The following CLIC5 variants were observed in gnomAD, a reference collection of about 807,000 sequenced individuals.
The protein encoded by CLIC5 is CLIC family member 5, also known as chloride intracellular channel protein 5.
In CLIC5, 20 loss-of-function variants were observed where a neutral mutation model predicts 24.7. That is an observed-to-expected ratio of 0.81 (90% CI 0.57 to 1.18). The LOEUF (loss-of-function observed/expected upper bound fraction) is 1.18, where lower values mean the gene tolerates loss of function less well. Ranked by LOEUF, CLIC5 falls within the 50% of genes most tolerant of loss-of-function variation. CLIC5 has a pLI of 0.00. For synonymous variants in CLIC5, 159 were observed against 135.6 expected, an observed-to-expected ratio of 1.17 and a Z score of -1.20; for missense variants, 341 against 326.1, an observed-to-expected ratio of 1.05 and a Z score of -0.35.
intron 4 of CLIC5, among the ~76,000 whole-genome samples, chr6:45,919,392 G>A (rs1254861909): frequency 2.6e-5 from 4 of 152,090 alleles, no homozygotes; most frequent in Non-Finnish European, 5.9e-5. Flanking sequence ...CTGGGTGGGG[G>A]TTACAGGTGG....
At chr6:45,982,958 G>A (rs897337363) in intron 1 of CLIC5, among the ~76,000 whole-genome samples, 1 of 152,136 alleles carries the variant, frequency 6.6e-6, no homozygotes, top group African/African-American at 2.4e-5. Context: ...AATAAGCCTT[G>A]GTAAAAGGTG....
In CLIC5 at chr6:46,015,535, T is replaced by G; in HGVS notation, c.8A>C (p.Asp3Ala). The G allele has an allele frequency of 6.3e-7, 1 of 1,577,534 alleles. No individual in the cohort carries two copies. The highest frequency in any genetic ancestry group is 8.6e-7 in the Non-Finnish European group (1 of 1,163,352). Residue 3 changes from aspartate (D) to alanine (A), a missense_variant, in exon 1 of 6, where the codon GAC becomes GCC. Asp to Ala is a moderately radical substitution (Grantham distance 126, BLOSUM62 -2). Transcript: ENST00000339561. The stretch of plus-strand genomic sequence containing the variant: ...GTCGTCCCCGTTAGCTGTCGCCGAG[T>G]CTGTCATGCCGTTGGCGCCCGGGGC... MT[D>A]SATANGDDRD...
intron 5 of CLIC5, among the ~76,000 whole-genome samples, chr6:45,904,517 C>T (rs908970550): frequency 1.3e-5 from 2 of 151,276 alleles, no homozygotes; most frequent in Non-Finnish European, 2.9e-5. Flanking sequence ...AAACAGGGCC[C>T]CCCTGTTTTC....
the CLIC5 span, among the ~76,000 whole-genome samples, chr6:46,089,668 G>A: frequency 6.6e-6 from 1 of 152,062 alleles, no homozygotes; most frequent in Non-Finnish European, 1.5e-5. Context: ...GATTACACAG[G>A]TGTGTTCAGT....
the CLIC5 span, among the ~76,000 whole-genome samples, chr6:46,120,221 C>T: frequency 3.0e-4 from 45 of 152,316 alleles, no homozygotes; most frequent in Admixed American, 9.2e-4. Context: ...CCGGGTACTC[C>T]TCTGAGATGA....
chr6:45,985,128 G>A (rs115033635), intron 1 of CLIC5, among the ~76,000 whole-genome samples: 1 of 152,282 alleles, frequency 6.6e-6, no homozygotes, highest in South Asian at 2.1e-4. Flanking sequence ...CCTGGCAAAG[G>A]GGGTAAGGAA....
chr6:46,076,755 C>A (rs1409969730), intron 1 of CLIC5, among the ~76,000 whole-genome samples: 3 of 152,148 alleles, frequency 2.0e-5, no homozygotes, highest in Non-Finnish European at 4.4e-5. Flanking sequence ...CACCCATATC[C>A]TGTTTTATAG....
intron 1 of CLIC5, among the ~76,000 whole-genome samples, chr6:45,968,697 G>T (rs895507187): frequency 1.3e-5 from 2 of 152,150 alleles, no homozygotes; most frequent in Non-Finnish European, 2.9e-5. Context: ...ATTGGAGGCG[G>T]GTGACTATAG....
intron 1 of CLIC5, among the ~76,000 whole-genome samples, chr6:45,962,172 A>G (rs1764867963): frequency 6.7e-6 from 1 of 149,820 alleles, no homozygotes; most frequent in Non-Finnish European, 1.5e-5. Context: ...ACATAATATT[A>G]TATATATGTG....
intron 3 of CLIC5, among the ~76,000 whole-genome samples, chr6:45,944,549 CAA>C (rs773971605): frequency 0.013 from 770 of 61,392 alleles, 7 homozygotes; most frequent in Admixed American, 0.039. Context: ...GGCTTCTCAC[CAA>C]AAAAAAAAAA....
chr6:45,964,930 A>G (rs551803293), intron 1 of CLIC5, among the ~76,000 whole-genome samples: 1 of 152,252 alleles, frequency 6.6e-6, no homozygotes, highest in Non-Finnish European at 1.5e-5. Flanking sequence ...TGTATAAAAC[A>G]TATAGTATTT....
intron 1 of CLIC5, among the ~76,000 whole-genome samples, chr6:46,006,010 A>G: frequency 7.9e-6 from 1 of 125,800 alleles, no homozygotes; most frequent in African/African-American, 2.6e-5. Flanking sequence ...TTATATATAT[A>G]TATATACACA....
intron 1 of CLIC5, among the ~76,000 whole-genome samples, chr6:46,002,361 A>G (rs1451806416): frequency 6.6e-6 from 1 of 152,198 alleles, no homozygotes. Context: ...CAGTGGCTTC[A>G]TCCTTGCAAA....
chr6:45,919,009 A>G (rs980186801), intron 4 of CLIC5: 22 of 985,446 alleles, frequency 2.2e-5, no homozygotes, highest in Non-Finnish European at 2.7e-5. Context: ...GGGACGTACA[A>G]TGGAAATGTG....
chr6:45,887,506 T>G (rs1476016003), intron 6 of CLIC5, among the ~76,000 whole-genome samples: 2 of 152,202 alleles, frequency 1.3e-5, no homozygotes, highest in Admixed American at 6.5e-5. Context: ...CATTTTAACC[T>G]AATGACATCT....
chr6:45,922,835 TAGAGAGAG>T (rs36124366), intron 4 of CLIC5, among the ~76,000 whole-genome samples: 2 of 144,392 alleles, frequency 1.4e-5, no homozygotes, highest in Non-Finnish European at 3.1e-5. Flanking sequence ...GAGAGAGAGA[TAGAGAGAG>T]AGAGAGAGAG....
chr6:46,066,191 A>C (rs1326957722), intron 1 of CLIC5, among the ~76,000 whole-genome samples: 1 of 151,996 alleles, frequency 6.6e-6, no homozygotes, highest in African/African-American at 2.4e-5. Flanking sequence ...CAAACAATCA[A>C]CCTATTCAAA....
chr6:45,889,503 T>C (rs1762331484), intron 6 of CLIC5, among the ~76,000 whole-genome samples: 1 of 152,186 alleles, frequency 6.6e-6, no homozygotes, highest in African/African-American at 2.4e-5. Flanking sequence ...GTATACACTA[T>C]GTGCTTTCGG....
chr6:46,011,613 G>A (rs1339541115), intron 1 of CLIC5, among the ~76,000 whole-genome samples: 1 of 152,166 alleles, frequency 6.6e-6, no homozygotes. Context: ...CACTTGCGGC[G>A]AGCTTGTCTG....
Sources: gnomAD v4.1 joint callset for allele counts (sites outside exome capture counted in the v4.1 genomes callset) on GRCh38, gnomAD v4.1.1 for gene constraint, MANE v1.5 for transcripts, NCBI Gene and HGNC (gene_info 2026-07-23, HGNC 2026-07-21) for gene names.